Variants in PCED1B observed in about 807,000 individuals in gnomAD.
PCED1B encodes the protein PC-esterase domain-containing protein 1B.
For missense variants in PCED1B, 573 were observed against 573.9 expected (o/e 1.00, Z 0.02); for synonymous variants, 251 against 246.1 (o/e 1.02, Z -0.19).
chr12:47,196,645 C>A (rs1350150814), intron 2 of PCED1B, among the ~76,000 whole-genome samples: 1 of 151,884 alleles, frequency 6.6e-6, no homozygotes, highest in Non-Finnish European at 1.5e-5. Context: ...CTGGCCAACA[C>A]GGTAAAACCC....
At chr12:47,096,175 A>G (rs1038893879) in intron 1 of PCED1B, among the ~76,000 whole-genome samples, 1 of 152,086 alleles carries the variant, frequency 6.6e-6, no homozygotes, top group Non-Finnish European at 1.5e-5. Flanking sequence ...TGGAAAACCC[A>G]TTTCTGTACA....
chr12:47,094,703 C>A (rs1398137705), intron 1 of PCED1B, among the ~76,000 whole-genome samples: 3 of 152,000 alleles, frequency 2.0e-5, no homozygotes, highest in Non-Finnish European at 4.4e-5. Flanking sequence ...AATGATTTAT[C>A]CCTCCTGATT....
chr12:47,207,139 T>A (rs1401703421), intron 2 of PCED1B, among the ~76,000 whole-genome samples: 1 of 152,192 alleles, frequency 6.6e-6, no homozygotes, highest in Non-Finnish European at 1.5e-5. Context: ...TGAGGGAATA[T>A]CCTTTCAGAG....
Position 47,236,200 on chromosome 12 carries a change from G to T in PCED1B, c.1137G>T (p.Leu379=), listed in dbSNP as rs1943980192. Residue 379 remains leucine (L), a synonymous_variant, in exon 4 of 4, where the codon CTG becomes CTT. Coordinates refer to ENST00000546455, the MANE Select transcript of PCED1B (RefSeq NM_138371.3). ...ACAATTTTATGGTTGGTCCTCAGCT[G>T]CCTATGCCCTTCTTCCCCACACCCC... The part of the protein sequence containing the change: ...VEDNFMVGPQ[L]PMPFFPTPRY... The T allele has an allele frequency of 6.2e-7, 1 of 1,613,988 alleles. No individual in the cohort carries two copies. Among genetic ancestry groups the T allele is most frequent in the Non-Finnish European group, 8.5e-7 (1 of 1,180,038 alleles).
At chr12:47,095,613 T>C (rs1324637769) in intron 1 of PCED1B, among the ~76,000 whole-genome samples, 1 of 152,166 alleles carries the variant, frequency 6.6e-6, no homozygotes, top group Non-Finnish European at 1.5e-5. Context: ...GCTTCAGGAG[T>C]AGATACTTTC....
rs143236394 is a variant in PCED1B, at chr12:47,107,565, G to A, written c.-526+3370G>A. Reference sequence around the variant, plus strand: ...CTAGAAGGGCCTTGGTATGGCCCCCGACACCAACTTGGGCAGAGAGGCCAG... The same window carrying A: ...CTAGAAGGGCCTTGGTATGGCCCCCAACACCAACTTGGGCAGAGAGGCCAG... On this transcript the variant is annotated intron_variant, in intron 2 of 3. Transcript: ENST00000546455. Among the ~76,000 whole-genome samples the A allele has an allele frequency of 7.1e-3, 1,079 of 152,326 alleles. 17 individuals carry two copies. Among genetic ancestry groups the A allele is most frequent in the African/African-American group, 0.023 (956 of 41,584 alleles).
chr12:47,156,050 T>C (rs1245561589), intron 2 of PCED1B, among the ~76,000 whole-genome samples: 13 of 152,208 alleles, frequency 8.5e-5, no homozygotes, highest in Admixed American at 5.2e-4. Context: ...TGCTTATTCA[T>C]AGCAGGGAGA....
intron 3 of PCED1B, among the ~76,000 whole-genome samples, chr12:47,228,493 CCTT>C: frequency 6.6e-6 from 1 of 152,074 alleles, no homozygotes; most frequent in Non-Finnish European, 1.5e-5. Flanking sequence ...AAGAGAAGAT[CCTT>C]CTTCTATTAG....
intron 2 of PCED1B, among the ~76,000 whole-genome samples, chr12:47,168,149 G>C (rs1253302987): frequency 6.6e-6 from 1 of 152,226 alleles, no homozygotes; most frequent in Non-Finnish European, 1.5e-5. Flanking sequence ...TGGTTTACTT[G>C]TGTGTTTTTA....
At chr12:47,225,219 A>G (rs1018966583) in intron 3 of PCED1B, among the ~76,000 whole-genome samples, 2 of 152,214 alleles carry the variant, frequency 1.3e-5, no homozygotes, top group African/African-American at 4.8e-5. Flanking sequence ...GAATTAAGCC[A>G]CTGCACCCAG....
chr12:47,113,632 A>G (rs1939293784), intron 2 of PCED1B, among the ~76,000 whole-genome samples: 1 of 152,216 alleles, frequency 6.6e-6, no homozygotes. Flanking sequence ...TTTGCATCAG[A>G]AATCTGTGGG....
chr12:47,135,602 C>A, intron 2 of PCED1B: 1 of 501,278 alleles, frequency 2.0e-6, no homozygotes. Context: ...CAGGCCTGGG[C>A]CCCAGTCAGG....
chr12:47,112,990 C>G (rs946916225), intron 2 of PCED1B, among the ~76,000 whole-genome samples: 2 of 152,200 alleles, frequency 1.3e-5, no homozygotes, highest in African/African-American at 4.8e-5. Context: ...TATTCCTTCA[C>G]TCTTGTTAGG....
At chr12:47,119,281 A>G (rs187426220) in intron 2 of PCED1B, among the ~76,000 whole-genome samples, 34 of 152,360 alleles carry the variant, frequency 2.2e-4, no homozygotes, top group African/African-American at 6.5e-4. Flanking sequence ...CTAAAACTAC[A>G]AAATTCCTAG....
chr12:47,206,947 A>T (rs969860532), intron 2 of PCED1B, among the ~76,000 whole-genome samples: 1 of 152,220 alleles, frequency 6.6e-6, no homozygotes, highest in Non-Finnish European at 1.5e-5. Flanking sequence ...CCTTAGGTAA[A>T]TGGCTATTCG....
At chr12:47,144,852 C>T (rs1237857820) in intron 2 of PCED1B, among the ~76,000 whole-genome samples, 1 of 152,120 alleles carries the variant, frequency 6.6e-6, no homozygotes, top group Non-Finnish European at 1.5e-5. Flanking sequence ...CTTCCTATTC[C>T]CTGAGACATA....
At chr12:47,121,177 A>G in intron 2 of PCED1B, among the ~76,000 whole-genome samples, 1 of 152,252 alleles carries the variant, frequency 6.6e-6, no homozygotes. Flanking sequence ...AGCATTAAAA[A>G]TGAGTGAAAA....
intron 2 of PCED1B, among the ~76,000 whole-genome samples, chr12:47,158,401 G>A (rs981021088): frequency 1.3e-5 from 2 of 152,166 alleles, no homozygotes; most frequent in African/African-American, 4.8e-5. Flanking sequence ...TCTCCCTGAT[G>A]ATTAGTGAGG....
At chr12:47,167,835 C>T (rs1213145004) in intron 2 of PCED1B, among the ~76,000 whole-genome samples, 3 of 152,188 alleles carry the variant, frequency 2.0e-5, no homozygotes, top group Non-Finnish European at 4.4e-5. Context: ...CTCAAAAGAG[C>T]ACCTCCAGAG....
Sources: allele counts gnomAD v4.1 joint callset (sites outside exome capture counted in the v4.1 genomes callset), GRCh38; gene constraint gnomAD v4.1.1; transcripts MANE v1.5; gene names NCBI Gene and HGNC (gene_info 2026-07-23, HGNC 2026-07-21).